The following PKHD1L1 variants were observed in gnomAD, a reference collection of about 807,000 sequenced individuals.
PKHD1L1 encodes PKHD1 like 1.
PKHD1L1 carries 434 observed loss-of-function variants against 462.9 expected under a neutral mutation model. The observed-to-expected ratio is 0.94, with a 90% confidence interval of 0.87 to 1.02. The LOEUF is 1.02. Ranked by LOEUF, PKHD1L1 falls within the 50% of genes least tolerant of loss-of-function variation. PKHD1L1 has a pLI of 0.00. For synonymous variants in PKHD1L1, 1,781 were observed against 1,750.0 expected (o/e 1.02, Z -0.44); for missense variants, 5,202 against 5,096.1 (o/e 1.02, Z -0.63).
In PKHD1L1 at chr8:109,401,636, T is replaced by C. The variant is rs1017901089; in HGVS notation, c.1373+48T>C. The C allele has an allele frequency of 3.1e-6, 3 of 971,506 alleles. No homozygotes were observed. In the African/African-American group the frequency reaches 5.0e-5, roughly 16 times the overall value. 60.2% of individuals were successfully genotyped at this position (971,506 alleles called of 1,614,324 possible). Reference sequence around the variant, plus strand: ...AATTACTGTGTGGTATTTATAAGCTTTAAGTTTATATTTTAAAATATTTTC... The same window carrying C: ...AATTACTGTGTGGTATTTATAAGCTCTAAGTTTATATTTTAAAATATTTTC... On this transcript the variant is annotated intron_variant, in intron 14 of 77. Transcript: ENST00000378402.
At chr8:109,414,443 C>T (rs575983491) in intron 21 of PKHD1L1, among the ~76,000 whole-genome samples, 1 of 152,062 alleles carries the variant, frequency 6.6e-6, no homozygotes, top group Admixed American at 6.5e-5. Context: ...AAGTTTTTCT[C>T]ATAAAAATAA....
chr8:109,522,365 A>AT, intron 74 of PKHD1L1, 28 bp downstream of exon 74: 1 of 1,502,166 alleles, frequency 6.7e-7, no homozygotes, highest in Non-Finnish European at 9.0e-7. Flanking sequence ...GAAAAAATGC[A>AT]TTTTTTGGGA....
chr8:109,423,741 C>G (rs999305242), intron 23 of PKHD1L1, among the ~76,000 whole-genome samples: 2 of 152,062 alleles, frequency 1.3e-5, no homozygotes, highest in Non-Finnish European at 2.9e-5. Flanking sequence ...GATATTGAGT[C>G]TTCCAATCCA....
chr8:109,487,130 T>C (rs189181384), intron 59 of PKHD1L1, among the ~76,000 whole-genome samples: 11 of 152,068 alleles, frequency 7.2e-5, no homozygotes, highest in African/African-American at 2.4e-4. Context: ...TTTTGTTTTG[T>C]TTTAAGGAAA....
intron 50 of PKHD1L1, among the ~76,000 whole-genome samples, chr8:109,472,288 A>G (rs60917031): frequency 0.039 from 5,868 of 152,190 alleles, 238 homozygotes; most frequent in African/African-American, 0.1. Context: ...TTAACTATTA[A>G]TTTTTAAGCA....
chr8:109,390,415 G>A, intron 8 of PKHD1L1, 37 bp from the exon 9 acceptor site: 2 of 1,227,318 alleles, frequency 1.6e-6, no homozygotes, highest in Admixed American at 2.9e-5. Flanking sequence ...TCTGTGACTG[G>A]GAATTTAATT....
chr8:109,449,287 G>T, intron 39 of PKHD1L1, 51 bp from the exon 40 acceptor site: 1 of 1,492,822 alleles, frequency 6.7e-7, no homozygotes, highest in Non-Finnish European at 9.0e-7. Flanking sequence ...GTACACAGAA[G>T]AAGTTTTATT....
Position 109,459,832 on chromosome 8 carries a change from CA to C in PKHD1L1, c.7243del (p.Thr2415GlnfsTer18). Reference protein sequence around the residue: ...KIPACPDGFDTGEFATQTCLQ... With the variant: ...KIPACPDGFDXGEFATQTCLQ... ...TTCCTGCATGTCCTGATGGATTTGACACAGGTAATTTTAGCAGCTCTCGTGG... is the reference window on the plus strand; with the variant it reads ...TTCCTGCATGTCCTGATGGATTTGACCAGGTAATTTTAGCAGCTCTCGTGG... On this transcript the variant is annotated frameshift_variant, in exon 47 of 78. Coordinates refer to ENST00000378402, the MANE Select transcript of PKHD1L1 (RefSeq NM_177531.6). LOFTEE classifies it high-confidence loss of function. 1.2e-6 allele frequency: 2 copies of C among 1,608,146 alleles called. No homozygotes were observed.
chr8:109,378,748 A>T (rs1811960411), intron 2 of PKHD1L1, among the ~76,000 whole-genome samples: 1 of 152,218 alleles, frequency 6.6e-6, no homozygotes, highest in Admixed American at 6.5e-5. Flanking sequence ...AGTGGTTTGT[A>T]GTAAGAATGT....
At chr8:109,451,570 AT>A (rs1816501935) in intron 41 of PKHD1L1, among the ~76,000 whole-genome samples, 1 of 152,124 alleles carries the variant, frequency 6.6e-6, no homozygotes, top group Non-Finnish European at 1.5e-5. Context: ...TTCCACTGTA[AT>A]TGCTCAAGTT....
At position 109,382,564 on chromosome 8, in the gene PKHD1L1, C is replaced by T. The variant is rs1812181405; in HGVS notation, c.410C>T (p.Thr137Ile). 6.2e-7 allele frequency: 1 copy of T among 1,607,830 alleles called. No homozygotes were observed. The highest frequency in any genetic ancestry group is 8.5e-7 in the Non-Finnish European group (1 of 1,176,528). ...CKGHINSWEC[T>I]FNAKSFRTPT... ...GGTCACATCAACAGCTGGGAATGTA[C>T]CTTCAACGTATGTAGGAATCTTCTC... The change falls in exon 4 of 78, where the codon ACC (threonine) becomes ATC (isoleucine). Residue 137 changes from threonine (T) to isoleucine (I), a missense_variant. Thr to Ile is a moderately conservative substitution (Grantham distance 89). Around this residue, in one of 3 missense-constraint regions of PKHD1L1, gnomAD observed 4,497 missense variants for 4,336.8 expected, o/e 1.04. Coordinates refer to ENST00000378402, the MANE Select transcript of PKHD1L1 (RefSeq NM_177531.6).
Position 109,508,174 on chromosome 8 carries a change from A to G in PKHD1L1, c.11305A>G (p.Met3769Val). ...GTGCTTTGGGATGGAATATGCAATG[A>G]TGGTTATTGAAAGTCTGGATCCTGA... ...YQCFGMEYAMMVIESLDPDTE... is the reference protein window; with the variant it reads ...YQCFGMEYAMVVIESLDPDTE... The change falls in exon 70 of 78, where the codon ATG (methionine) becomes GTG (valine). Residue 3769 changes from methionine to valine, a missense_variant. Transcript: ENST00000378402. 1 of 1,613,324 alleles carries G rather than the reference A, an allele frequency of 6.2e-7. No individual in the cohort carries two copies. Among genetic ancestry groups the G allele is most frequent in the Non-Finnish European group, 8.5e-7 (1 of 1,179,414 alleles).
At chr8:109,460,190 G>C (rs1168291836) in intron 47 of PKHD1L1, among the ~76,000 whole-genome samples, 1 of 151,994 alleles carries the variant, frequency 6.6e-6, no homozygotes, top group African/African-American at 2.4e-5. Flanking sequence ...TTGATGATTA[G>C]TTTTAATATT....
chr8:109,395,022 G>T (rs2130505344), intron 10 of PKHD1L1, among the ~76,000 whole-genome samples: 1 of 152,298 alleles, frequency 6.6e-6, no homozygotes, highest in Middle Eastern at 3.4e-3. Context: ...CCTCATCATT[G>T]TGTGACTGAC....
chr8:109,462,379 A>G (rs1238912671), intron 48 of PKHD1L1, among the ~76,000 whole-genome samples: 6 of 152,126 alleles, frequency 3.9e-5, no homozygotes, highest in African/African-American at 1.4e-4. Context: ...AACAGGTCCA[A>G]GTCCATCCCA....
chr8:109,398,415 C>T (rs1207711226), intron 11 of PKHD1L1, 44 bp from the exon 12 acceptor site: 3 of 1,210,242 alleles, frequency 2.5e-6, no homozygotes. Flanking sequence ...GATTTGCATT[C>T]TGAAGTTTCA....
In PKHD1L1 at chr8:109,523,281, C is replaced by G; in HGVS notation, c.12379C>G (p.Leu4127Val). ...GITALTLRAI[L>V]KDSNNNQVNG... is the part of the protein sequence containing the mutation. ...TACTGCACTAACTTTGAGGGCCATA[C>G]TCAAGGACTCCAATAATAACCAAGT... Residue 4127 changes from leucine to valine, a missense_variant, in exon 76 of 78, where the codon CTC (leucine) becomes GTC (valine). Leu to Val is a conservative substitution (Grantham distance 32). Around this residue, in one of 3 missense-constraint regions of PKHD1L1, gnomAD observed 698 missense variants for 736.3 expected, o/e 0.95. Coordinates refer to ENST00000378402, the MANE Select transcript of PKHD1L1 (RefSeq NM_177531.6). 1 of 1,610,754 alleles carries G rather than the reference C, an allele frequency of 6.2e-7. No individual in the cohort carries two copies. Among genetic ancestry groups the G allele is most frequent in the Non-Finnish European group, 8.5e-7 (1 of 1,178,140 alleles).
chr8:109,509,083 T>C (rs865826090), intron 70 of PKHD1L1, among the ~76,000 whole-genome samples: 2 of 152,094 alleles, frequency 1.3e-5, no homozygotes, highest in African/African-American at 4.8e-5. Flanking sequence ...TGTCATAACA[T>C]GTACTAAAAT....
chr8:109,420,523 C>A lies in PKHD1L1; in HGVS notation c.2530C>A (p.Pro844Thr). 1 of 1,570,454 alleles carries A rather than the reference C, an allele frequency of 6.4e-7. No homozygotes were observed. The highest frequency in any genetic ancestry group is 8.6e-7 in the Non-Finnish European group (1 of 1,162,482). ...TTTTTATTTATATTCTTTAGAAATG[C>A]CCAAGAGAAGACTTCCTGCATTAGC... ...TSTISTLDEM[P>T]KRRLPALANK... is the part of the protein sequence containing the mutation. The change falls in exon 23 of 78, where the codon CCC (proline) becomes ACC (threonine). Residue 844 changes from proline to threonine, a missense_variant. This residue lies in a region of PKHD1L1 where 4,497 missense variants were observed against 4,336.8 expected (regional missense o/e 1.04). Coordinates refer to ENST00000378402, the MANE Select transcript of PKHD1L1 (RefSeq NM_177531.6).
Sources: gnomAD v4.1 joint callset for allele counts (sites outside exome capture counted in the v4.1 genomes callset) on GRCh38, gnomAD v4.1.1 for gene constraint, gnomAD v4.1.1 regional missense constraint, MANE v1.5 for transcripts, NCBI Gene and HGNC (gene_info 2026-07-23, HGNC 2026-07-21) for gene names.